Variants in PPP2R2B observed in about 807,000 individuals in gnomAD.
PPP2R2B encodes the protein protein phosphatase 2 regulatory subunit Bbeta.
A neutral mutation model predicts 46.0 loss-of-function variants in PPP2R2B; 5 were observed. The observed-to-expected ratio is 0.11, with a 90% CI of 0.06 to 0.23. The LOEUF (loss-of-function observed/expected upper bound fraction) is 0.23, where lower values mean the gene tolerates loss of function less well. Among genes scored for constraint, PPP2R2B ranks in the 10% least tolerant of loss-of-function variants. The pLI, the probability that PPP2R2B is intolerant of heterozygous loss-of-function variation, is 1.00. For synonymous variants in PPP2R2B, 215 were observed against 206.7 expected (o/e 1.04, Z -0.34); for missense variants, 367 against 575.0 (o/e 0.64, Z 3.70).
chr5:146,747,907 A>G (rs1048391910), intron 2 of PPP2R2B, among the ~76,000 whole-genome samples: 7 of 152,168 alleles, frequency 4.6e-5, no homozygotes, highest in Non-Finnish European at 8.8e-5. Context: ...GACGATACGA[A>G]GGGTGATATG....
chr5:146,886,553 A>C (rs908723214), intron 1 of PPP2R2B, among the ~76,000 whole-genome samples: 7 of 151,930 alleles, frequency 4.6e-5, no homozygotes, highest in Admixed American at 1.3e-4. Flanking sequence ...ACTTATGGGG[A>C]GTATGGAGTA....
At chr5:146,801,482 A>T (rs1417332829) in intron 2 of PPP2R2B, among the ~76,000 whole-genome samples, 1 of 152,218 alleles carries the variant, frequency 6.6e-6, no homozygotes, top group Non-Finnish European at 1.5e-5. Context: ...AACTAGAAAA[A>T]GAATAGGGCC....
At chr5:146,900,353 A>C (rs959257543) in intron 1 of PPP2R2B, among the ~76,000 whole-genome samples, 1 of 152,328 alleles carries the variant, frequency 6.6e-6, no homozygotes, top group Non-Finnish European at 1.5e-5. Context: ...AGAAGATACA[A>C]TGTAGAAACA....
chr5:147,024,256 G>C (rs1561583675), intron 1 of PPP2R2B, among the ~76,000 whole-genome samples: 2 of 151,918 alleles, frequency 1.3e-5, no homozygotes, highest in Non-Finnish European at 2.9e-5. Context: ...AAAAGGGTCA[G>C]TACATCAGAA....
chr5:147,032,639 A>C (rs1755843670), intron 1 of PPP2R2B, among the ~76,000 whole-genome samples: 1 of 152,162 alleles, frequency 6.6e-6, no homozygotes, highest in Non-Finnish European at 1.5e-5. Flanking sequence ...TACTTCACTT[A>C]GAATATAGTC....
Position 146,707,285 on chromosome 5 carries a change from G to C in PPP2R2B, c.71-6143C>G. ...ATCTTGTTCTGCTGCTCCAGGAACCGTACCTTGTCGACGAAGGAGGCAAAC... is the reference window on the plus strand; with the variant it reads ...ATCTTGTTCTGCTGCTCCAGGAACCCTACCTTGTCGACGAAGGAGGCAAAC... On this transcript the variant is annotated intron_variant, in intron 2 of 9. Coordinates refer to ENST00000394411, the MANE Select transcript of PPP2R2B (RefSeq NM_181675.4). The C allele has an allele frequency of 1.9e-6, 3 of 1,555,108 alleles. No individual in the cohort carries two copies. The South Asian group carries it at 3.3e-5, about 17-fold the overall frequency.
At chr5:146,967,344 C>G (rs1752466784) in intron 1 of PPP2R2B, among the ~76,000 whole-genome samples, 1 of 152,152 alleles carries the variant, frequency 6.6e-6, no homozygotes, top group Non-Finnish European at 1.5e-5. Flanking sequence ...CAAAAATTAG[C>G]TACAATTTAT....
chr5:146,870,378 GAA>G (rs1036907720), intron 2 of PPP2R2B, among the ~76,000 whole-genome samples: 1 of 151,024 alleles, frequency 6.6e-6, no homozygotes, highest in Non-Finnish European at 1.5e-5. Context: ...CTTGCAAGAA[GAA>G]AAAAAAATGC....
At chr5:146,845,568 C>T (rs1035293372) in intron 2 of PPP2R2B, among the ~76,000 whole-genome samples, 1 of 152,040 alleles carries the variant, frequency 6.6e-6, no homozygotes, top group African/African-American at 2.4e-5. Flanking sequence ...ATGACTATTT[C>T]ATTTTCTGTT....
Position 146,878,157 on chromosome 5 carries a change from G to A in PPP2R2B, c.-86C>T. On this transcript the variant is annotated 5_prime_UTR_variant, in exon 2 of 10. Transcript: ENST00000394411. The surrounding 1 kb of genome is among the most constrained non-coding windows in gnomAD (Gnocchi z 4.5). ...CCCGCAGCCAGTCTCACAGGAGAGGGGGGCAGGGGAGCCAGTGGGACTGCA... is the reference window on the plus strand; with the variant it reads ...CCCGCAGCCAGTCTCACAGGAGAGGAGGGCAGGGGAGCCAGTGGGACTGCA... 1 of 1,607,336 alleles carries A rather than the reference G, an allele frequency of 6.2e-7. No homozygotes were observed. The highest frequency in any genetic ancestry group is 1.7e-5 in the Admixed American group (1 of 58,752).
chr5:146,738,395 CAAAA>C (rs58520511), intron 2 of PPP2R2B, among the ~76,000 whole-genome samples: 13,214 of 85,602 alleles, frequency 0.15, 724 homozygotes, highest in East Asian at 0.41. Flanking sequence ...GACTCAGTCT[CAAAA>C]AAAAAAAAAA....
At chr5:146,899,911 A>G (rs770129917) in intron 1 of PPP2R2B, among the ~76,000 whole-genome samples, 3 of 152,224 alleles carry the variant, frequency 2.0e-5, no homozygotes, top group Non-Finnish European at 2.9e-5. Context: ...AGAAGATCCT[A>G]AAAGTTTCCT....
chr5:146,923,453 G>C lies in PPP2R2B; in HGVS notation c.79+132212C>G, dbSNP rs114894009. Among the ~76,000 whole-genome samples the C allele has an allele frequency of 9.3e-3, 1,411 of 152,256 alleles. 26 individuals carry two copies. The highest frequency in any genetic ancestry group is 0.032 in the African/African-American group (1,326 of 41,544). On this transcript the variant is annotated intron_variant, in intron 1 of 8. Transcript: ENST00000336640. Reference sequence around the variant, plus strand: ...TGATTCTCCCTATGGCAGTCCCAAAGCCTAATTATGAAAACACGATAAGAT... The same window carrying C: ...TGATTCTCCCTATGGCAGTCCCAAACCCTAATTATGAAAACACGATAAGAT...
chr5:146,774,261 C>T (rs554352951), intron 2 of PPP2R2B, among the ~76,000 whole-genome samples: 10 of 152,186 alleles, frequency 6.6e-5, no homozygotes, highest in African/African-American at 2.4e-4. Flanking sequence ...CATATAATGC[C>T]TGGCATGTGG....
chr5:146,933,581 A>G (rs1764037122), intron 1 of PPP2R2B, among the ~76,000 whole-genome samples: 1 of 152,166 alleles, frequency 6.6e-6, no homozygotes, highest in Non-Finnish European at 1.5e-5. Context: ...TTTCTACTTC[A>G]GGGAGATTAC....
chr5:147,056,348 C>A (rs1402409452), upstream of PPP2R2B, among the ~76,000 whole-genome samples: 1 of 152,080 alleles, frequency 6.6e-6, no homozygotes, highest in Non-Finnish European at 1.5e-5. Context: ...AATACTAAAG[C>A]CCAAACAATA....
chr5:146,590,333 A>G, intron 9 of PPP2R2B, 107 bp from the exon 10 acceptor site: 1 of 1,200,334 alleles, frequency 8.3e-7, no homozygotes, highest in Non-Finnish European at 1.1e-6. Context: ...TTTTATTAAA[A>G]ACAAAAACCA....
chr5:147,043,700 A>C (rs1369604009), intron 1 of PPP2R2B, among the ~76,000 whole-genome samples: 1 of 152,094 alleles, frequency 6.6e-6, no homozygotes, highest in Non-Finnish European at 1.5e-5. Context: ...GCTTCTTTGC[A>C]TGCATTATTT....
chr5:146,994,522 G>T (rs1329657730), intron 1 of PPP2R2B, among the ~76,000 whole-genome samples: 1 of 152,068 alleles, frequency 6.6e-6, no homozygotes, highest in Admixed American at 6.6e-5. Context: ...TAGTACAGGG[G>T]GCCACTGGAG....
Sources: allele counts gnomAD v4.1 joint callset (sites outside exome capture counted in the v4.1 genomes callset), GRCh38; gene constraint gnomAD v4.1.1; non-coding constraint Gnocchi (gnomAD v3.1); transcripts MANE v1.5; gene names NCBI Gene and HGNC (gene_info 2026-07-23, HGNC 2026-07-21).